Variants in PARVA observed in about 807,000 individuals in gnomAD.
PARVA encodes the protein parvin alpha.
Under a neutral mutation model 52.6 loss-of-function variants are expected in PARVA, and 25 were observed. That is an observed-to-expected ratio of 0.48 (90% CI 0.35 to 0.66). The LOEUF (loss-of-function observed/expected upper bound fraction) is 0.66. PARVA is among the 30% of genes least tolerant of loss of function. The pLI, the probability that PARVA is intolerant of heterozygous loss-of-function variation, is 0.01. For synonymous variants in PARVA, 185 were observed against 179.1 expected (o/e 1.03, Z -0.26); for missense variants, 373 against 450.9 (o/e 0.83, Z 1.56).
intron 4 of PARVA, among the ~76,000 whole-genome samples, chr11:12,484,504 GGTGTGTGTGT>G (rs35501237): frequency 0.29 from 42,490 of 144,508 alleles, 6,720 homozygotes; most frequent in East Asian, 0.51. Context: ...GTTTTGTTTT[GGTGTGTGTGT>G]GTGTGTGTGT....
chr11:12,512,037 G>A (rs2135076642), intron 8 of PARVA, among the ~76,000 whole-genome samples: 1 of 152,272 alleles, frequency 6.6e-6, no homozygotes, highest in Admixed American at 6.5e-5. Context: ...TAGGAAGTAT[G>A]CTAAAATATT....
Position 12,532,510 on chromosome 11 carries a change from A to C in PARVA, c.*4585A>C, listed in dbSNP as rs919711396. Reference sequence around the variant, plus strand: ...TCATTTAGTCATATATTCGGCAAGTATGTGTTGAGTGCAGCATGTCCAAGG... The same window carrying C: ...TCATTTAGTCATATATTCGGCAAGTCTGTGTTGAGTGCAGCATGTCCAAGG... On this transcript the variant is annotated 3_prime_UTR_variant, in exon 13 of 13. Transcript: ENST00000334956. Among the ~76,000 whole-genome samples the C allele has an allele frequency of 6.6e-6, 1 of 152,182 alleles. No individual in the cohort carries two copies. Among genetic ancestry groups the C allele is most frequent in the Non-Finnish European group, 1.5e-5 (1 of 68,040 alleles).
At position 12,504,221 on chromosome 11, in the gene PARVA, A is replaced by G. The variant is rs758497725; in HGVS notation, c.542-93A>G. On this transcript the variant is annotated intron_variant, in intron 5 of 12. Coordinates refer to ENST00000334956, the MANE Select transcript of PARVA (RefSeq NM_018222.5). ...GGGCAGGGACAAATATCCAAACTCT[A>G]TCAGTGGGGTACTACTACACTTTGA... 3 of 696,830 alleles carry G rather than the reference A, an allele frequency of 4.3e-6. No individual in the cohort carries two copies. The Admixed American group carries it at 6.9e-5, about 16-fold the overall frequency. The allele number at this position is 696,830 out of a possible 1,614,324, so 43.2% of individuals were successfully genotyped here.
chr11:12,475,376 G>A (rs1165105693), intron 3 of PARVA, among the ~76,000 whole-genome samples: 2 of 152,194 alleles, frequency 1.3e-5, no homozygotes, highest in African/African-American at 4.8e-5. Context: ...TCGTCTCCAC[G>A]TAATATTATA....
chr11:12,488,592 A>G (rs2135052457), intron 4 of PARVA, among the ~76,000 whole-genome samples: 1 of 152,302 alleles, frequency 6.6e-6, no homozygotes, highest in East Asian at 1.9e-4. Context: ...CATGGTCTTG[A>G]AAGGGCAACT....
At chr11:12,441,841 C>T (rs573406784) in intron 1 of PARVA, among the ~76,000 whole-genome samples, 1 of 152,324 alleles carries the variant, frequency 6.6e-6, no homozygotes, top group East Asian at 1.9e-4. Flanking sequence ...TTTTCCACAA[C>T]GCTGCAGGAA....
intron 1 of PARVA, among the ~76,000 whole-genome samples, chr11:12,423,553 A>G (rs1038385360): frequency 6.6e-6 from 1 of 152,180 alleles, no homozygotes; most frequent in Non-Finnish European, 1.5e-5. Context: ...TCTCTCTGCT[A>G]TAGCTGGGAT....
At chr11:12,444,601 C>A (rs960932729) in intron 1 of PARVA, among the ~76,000 whole-genome samples, 2 of 151,986 alleles carry the variant, frequency 1.3e-5, no homozygotes, top group Admixed American at 6.6e-5. Context: ...TGCATCACCT[C>A]ACCCAGCTAT....
In PARVA at chr11:12,444,549, A is replaced by T. The variant is rs73411579; in HGVS notation, c.137-29196A>T. 8.7e-3 allele frequency among the ~76,000 whole-genome samples: 1,321 copies of T among 152,084 alleles called. 18 individuals carry two copies. Among genetic ancestry groups the T allele is most frequent in the African/African-American group, 0.03 (1,254 of 41,472 alleles). ...AGCCTGGAACTCCTGGGTTCAAGTG[A>T]TCTGCTCACCTCAGCCTCCTGAGTA... On this transcript the variant is annotated intron_variant, in intron 1 of 12. Transcript: ENST00000334956.
chr11:12,435,172 C>T (rs1940370494), intron 1 of PARVA, among the ~76,000 whole-genome samples: 1 of 152,218 alleles, frequency 6.6e-6, no homozygotes, highest in African/African-American at 2.4e-5. Context: ...TCTTCAGCTG[C>T]CTGCTTCTTG....
intron 1 of PARVA, among the ~76,000 whole-genome samples, chr11:12,456,522 G>A (rs112156228): frequency 2.3e-4 from 35 of 151,864 alleles, no homozygotes; most frequent in Non-Finnish European, 4.7e-4. Flanking sequence ...GTATCTTGTG[G>A]CTCCCCATTG....
intron 1 of PARVA, among the ~76,000 whole-genome samples, chr11:12,398,842 T>C (rs1457074730): frequency 2.6e-5 from 4 of 152,172 alleles, no homozygotes; most frequent in African/African-American, 9.7e-5. Context: ...AATAAGACAT[T>C]GGAAGATATG....
At chr11:12,392,266 CTTT>C (rs113647098) in intron 1 of PARVA, among the ~76,000 whole-genome samples, 2 of 136,180 alleles carry the variant, frequency 1.5e-5, no homozygotes, top group Non-Finnish European at 3.1e-5. Flanking sequence ...TACTTCATTC[CTTT>C]TTTTTTTTTT....
chr11:12,406,151 G>A (rs1245834204), intron 1 of PARVA, among the ~76,000 whole-genome samples: 3 of 152,220 alleles, frequency 2.0e-5, no homozygotes, highest in Non-Finnish European at 4.4e-5. Context: ...TTAAGGAGTT[G>A]GCTCAGGTGA....
At chr11:12,481,008 A>G (rs1369367045) in intron 4 of PARVA, among the ~76,000 whole-genome samples, 2 of 152,110 alleles carry the variant, frequency 1.3e-5, no homozygotes, top group African/African-American at 4.8e-5. Flanking sequence ...GTTAACCTCA[A>G]TCACATTGTC....
At chr11:12,505,928 A>G (rs938260688) in intron 6 of PARVA, among the ~76,000 whole-genome samples, 1 of 152,228 alleles carries the variant, frequency 6.6e-6, no homozygotes, top group African/African-American at 2.4e-5. Context: ...GTCACTATAC[A>G]TTTGTCAAAA....
At chr11:12,380,395 T>C (rs1371184287) in intron 1 of PARVA, among the ~76,000 whole-genome samples, 1 of 150,670 alleles carries the variant, frequency 6.6e-6, no homozygotes, top group Admixed American at 6.6e-5. Flanking sequence ...GAGGGGCTGC[T>C]GGACTGGAAC....
intron 12 of PARVA, among the ~76,000 whole-genome samples, chr11:12,524,700 C>T (rs1941678941): frequency 6.6e-6 from 1 of 152,226 alleles, no homozygotes. Context: ...GCGCGTGGCC[C>T]TCTTGTCCAC....
intron 1 of PARVA, among the ~76,000 whole-genome samples, chr11:12,439,829 G>T (rs1589957681): frequency 6.6e-6 from 1 of 152,254 alleles, no homozygotes; most frequent in East Asian, 1.9e-4. Flanking sequence ...CTTCCTGAAT[G>T]TTCCCTATGT....
Sources: allele counts gnomAD v4.1 joint callset (sites outside exome capture counted in the v4.1 genomes callset), GRCh38; gene constraint gnomAD v4.1.1; transcripts MANE v1.5; gene names NCBI Gene and HGNC (gene_info 2026-07-23, HGNC 2026-07-21).